The following GOLGA8B variants were observed in gnomAD, a reference collection of about 807,000 sequenced individuals.
GOLGA8B encodes the protein golgin subfamily A member 8B.
A neutral mutation model predicts 15.6 loss-of-function variants in GOLGA8B; 1 was observed. The observed-to-expected ratio is 0.06, with a 90% CI of 0.02 to 0.30. The LOEUF is 0.30. GOLGA8B is among the 10% of genes least tolerant of loss of function. GOLGA8B has a pLI of 1.00. For missense variants in GOLGA8B, 17 were observed against 201.3 expected, an observed-to-expected ratio of 0.08 and a Z score of 5.54; for synonymous variants, 9 against 80.3, an observed-to-expected ratio of 0.11 and a Z score of 4.75.
Position 34,527,757 on chromosome 15 carries a change from G to C in GOLGA8B, c.1687C>G (p.Pro563Ala), listed in dbSNP as rs781268065. 4.6e-6 allele frequency: 6 copies of C among 1,294,242 alleles called. 1 individual carries two copies. Among genetic ancestry groups the C allele is most frequent in the Non-Finnish European group, 5.3e-6 (5 of 951,136 alleles). The allele number at this position is 1,294,242 out of a possible 1,614,324, so 80.2% of individuals were successfully genotyped here. A position where few individuals can be genotyped will look rare whatever the true frequency, so the allele number is the denominator to read the frequency against. The change falls in exon 24 of 24, where the codon CCT becomes GCT. Residue 563 changes from proline to alanine, a missense_variant. Transcript: ENST00000683415. ...AGCTGCAGGACTGGCTGTGCAGTAG[G>C]GTTGTCCTGGGAAGAACCCTCCCTG... ...EAREGSSQDN[P>A]TAQPVLQLLG...
intron 1 of GOLGA8B, among the ~76,000 whole-genome samples, chr15:34,579,603 G>C (rs1889175141): frequency 6.6e-6 from 1 of 152,200 alleles, no homozygotes; most frequent in South Asian, 2.1e-4. Flanking sequence ...TGGCCTATGT[G>C]AAACTGACGT....
At chr15:34,574,366 C>T (rs1183835055) in intron 1 of GOLGA8B, among the ~76,000 whole-genome samples, 2 of 151,522 alleles carry the variant, frequency 1.3e-5, no homozygotes, top group East Asian at 3.9e-4. Context: ...GGCAGTGGCA[C>T]CCTCACAACT....
At chr15:34,559,596 G>GAA (rs1051397200) in intron 1 of GOLGA8B, among the ~76,000 whole-genome samples, 5 of 93,300 alleles carry the variant, frequency 5.4e-5, no homozygotes, top group Non-Finnish European at 1.0e-4. Flanking sequence ...GAGAGAGAGA[G>GAA]AGATTGATTG....
intron 1 of GOLGA8B, among the ~76,000 whole-genome samples, chr15:34,572,547 C>T (rs1888951216): frequency 6.6e-6 from 1 of 152,156 alleles, no homozygotes; most frequent in Non-Finnish European, 1.5e-5. Context: ...TAGGATCCCA[C>T]TTTGTTGAAA....
intron 1 of GOLGA8B, among the ~76,000 whole-genome samples, chr15:34,581,220 C>G (rs1240682606): frequency 3.3e-5 from 5 of 152,182 alleles, no homozygotes; most frequent in Non-Finnish European, 7.3e-5. Context: ...CAGAGGACAG[C>G]GAGGAGTGCC....
At chr15:34,565,154 A>C (rs1250994317) in intron 1 of GOLGA8B, among the ~76,000 whole-genome samples, 1 of 92,572 alleles carries the variant, frequency 1.1e-5, no homozygotes, top group Non-Finnish European at 2.3e-5. Context: ...TTTTTTTTTG[A>C]GACGGAGTCT....
At chr15:34,582,589 A>G (rs78307571) in intron 1 of GOLGA8B, among the ~76,000 whole-genome samples, 1 of 152,238 alleles carries the variant, frequency 6.6e-6, no homozygotes, top group South Asian at 2.1e-4. Context: ...ATCTGAAAAA[A>G]TAAGCCTTTC....
intron 1 of GOLGA8B, among the ~76,000 whole-genome samples, chr15:34,569,715 G>A (rs1474473369): frequency 6.6e-6 from 1 of 151,410 alleles, no homozygotes; most frequent in Non-Finnish European, 1.5e-5. Flanking sequence ...AGTGTAAAAA[G>A]TCTATGATGT....
chr15:34,564,347 T>C lies in GOLGA8B; in HGVS notation c.-1122-10391A>G, dbSNP rs1181845762. Among the ~76,000 whole-genome samples, 6 of 126,432 alleles carry C rather than the reference T, an allele frequency of 4.7e-5. No individual in the cohort carries two copies. The East Asian group carries it at 6.3e-4, about 13-fold the overall frequency. The allele number at this position is 126,432 out of a possible 152,430, so 82.9% of individuals were successfully genotyped here. A position where few individuals can be genotyped will look rare whatever the true frequency, so the allele number is the denominator to read the frequency against. ...CTTTTTCAGTTAGTTGTAGTAACTG[T>C]AGATTCTTAAAAAAAAAAAAAAAAA... On this transcript the variant is annotated intron_variant, in intron 1 of 23. Transcript: ENST00000683415.
chr15:34,580,608 T>C (rs201374843), intron 1 of GOLGA8B, among the ~76,000 whole-genome samples: 65 of 152,122 alleles, frequency 4.3e-4, no homozygotes, highest in African/African-American at 1.4e-3. Flanking sequence ...ACAGTGCCCA[T>C]GACAGCTGAC....
intron 1 of GOLGA8B, among the ~76,000 whole-genome samples, chr15:34,579,492 G>T (rs1889171651): frequency 6.6e-6 from 1 of 152,214 alleles, no homozygotes; most frequent in Non-Finnish European, 1.5e-5. Flanking sequence ...GACCACCTGG[G>T]TGCAGAGAAC....
chr15:34,579,958 C>A (rs921767178), intron 1 of GOLGA8B, among the ~76,000 whole-genome samples: 1 of 152,002 alleles, frequency 6.6e-6, no homozygotes, highest in African/African-American at 2.4e-5. Context: ...AGGAGAAACA[C>A]AAAGCAAGGT....
At chr15:34,571,608 A>G (rs893124528) in intron 1 of GOLGA8B, among the ~76,000 whole-genome samples, 13 of 129,788 alleles carry the variant, frequency 1.0e-4, no homozygotes, top group African/African-American at 3.2e-4. Flanking sequence ...ATTAGGTTGG[A>G]ATCGTATAAA....
At chr15:34,572,850 T>G (rs1309084497) in intron 1 of GOLGA8B, among the ~76,000 whole-genome samples, 1 of 152,242 alleles carries the variant, frequency 6.6e-6, no homozygotes, top group African/African-American at 2.4e-5. Flanking sequence ...GCCACCCCCG[T>G]TGATGGAGCC....
At chr15:34,576,854 C>T (rs1303774649) in intron 1 of GOLGA8B, among the ~76,000 whole-genome samples, 2 of 152,210 alleles carry the variant, frequency 1.3e-5, no homozygotes, top group African/African-American at 4.8e-5. Flanking sequence ...TGAAACCCAG[C>T]AGGCAGGTTG....
intron 1 of GOLGA8B, among the ~76,000 whole-genome samples, chr15:34,581,153 G>A (rs1889220718): frequency 6.6e-6 from 1 of 152,238 alleles, no homozygotes; most frequent in Non-Finnish European, 1.5e-5. Flanking sequence ...CAAGACTTCA[G>A]ACCATGGTGT....
At position 34,527,098 on chromosome 15, in the gene GOLGA8B, A is replaced by C. The variant is rs1311060884; in HGVS notation, c.*534T>G. On this transcript the variant is annotated 3_prime_UTR_variant, in exon 24 of 24. Coordinates refer to ENST00000683415, the MANE Select transcript of GOLGA8B (RefSeq NM_001023567.5). ...AGTTCTCGGCCTTTAAACAGCTCTA[A>C]GTGTCAGTACTCATAGTGGCATATT... The C allele has an allele frequency of 3.1e-5, 6 of 195,844 alleles. 1 individual carries two copies. Among genetic ancestry groups the C allele is most frequent in the African/African-American group, 1.5e-4 (6 of 40,924 alleles). The allele number at this position is 195,844 out of a possible 1,614,324, so 12.1% of individuals were successfully genotyped here.
At chr15:34,573,119 C>T (rs1888965618) in intron 1 of GOLGA8B, among the ~76,000 whole-genome samples, 4 of 152,234 alleles carry the variant, frequency 2.6e-5, no homozygotes, top group South Asian at 4.1e-4. Flanking sequence ...GATGGCAGAT[C>T]TATTTAATGA....
rs1470109153 is a variant in GOLGA8B, at chr15:34,544,960, G to A, written c.-477-7C>T. 3 of 94,290 alleles carry A rather than the reference G, an allele frequency of 3.2e-5. No individual in the cohort carries two copies. The East Asian group carries it at 8.7e-4, about 27-fold the overall frequency. The allele number at this position is 94,290 out of a possible 1,614,324, so 5.8% of individuals were successfully genotyped here. On this transcript the variant is annotated splice_region_variant and splice_polypyrimidine_tract_variant and intron_variant, in intron 6 of 23. Transcript: ENST00000683415. ...AGTAGGCACTGCTTCAGCCCTACAG[G>A]AAGGAAAAAACATCTCTAGAAAACA...
Sources: allele counts gnomAD v4.1 joint callset (sites outside exome capture counted in the v4.1 genomes callset), GRCh38; gene constraint gnomAD v4.1.1; transcripts MANE v1.5; gene names NCBI Gene and HGNC (gene_info 2026-07-23, HGNC 2026-07-21).